The following IKZF1 variants were observed in gnomAD, a reference collection of about 807,000 sequenced individuals.
IKZF1 encodes IKAROS family zinc finger 1.
IKZF1 carries 10 observed loss-of-function variants against 51.7 expected under a neutral mutation model. That is an observed-to-expected ratio of 0.19 (90% CI 0.12 to 0.33). IKZF1 has a LOEUF of 0.33. Ranked by LOEUF, IKZF1 falls within the 10% of genes least tolerant of loss-of-function variation. IKZF1 has a pLI of 1.00. For missense variants in IKZF1, 484 were observed against 707.5 expected (o/e 0.68, Z 3.58); for synonymous variants, 280 against 282.3 (o/e 0.99, Z 0.08).
At chr7:50,323,690 T>A (rs1046597043) in intron 2 of IKZF1, among the ~76,000 whole-genome samples, 2 of 152,242 alleles carry the variant, frequency 1.3e-5, no homozygotes, top group African/African-American at 4.8e-5. Context: ...AAACACTTGA[T>A]GTCTTGCTGT....
intron 7 of IKZF1, among the ~76,000 whole-genome samples, chr7:50,393,364 G>A (rs950063004): frequency 1.3e-5 from 2 of 152,142 alleles, no homozygotes; most frequent in African/African-American, 4.8e-5. Flanking sequence ...TGGGAGAGAG[G>A]TGGGGCCAGA....
chr7:50,325,402 G>A (rs772987088), intron 2 of IKZF1, among the ~76,000 whole-genome samples: 9 of 151,812 alleles, frequency 5.9e-5, no homozygotes, highest in Non-Finnish European at 1.0e-4. Context: ...TACCTCCTGC[G>A]TTCTCCTATT....
At chr7:50,328,020 C>CT in intron 3 of IKZF1, 1 of 428,748 alleles carries the variant, frequency 2.3e-6, no homozygotes, top group Non-Finnish European at 4.2e-6. Context: ...GGACGCGTCT[C>CT]TGTCACTGTC....
intron 3 of IKZF1, among the ~76,000 whole-genome samples, chr7:50,335,915 T>C (rs1797662880): frequency 6.6e-6 from 1 of 151,996 alleles, no homozygotes; most frequent in Non-Finnish European, 1.5e-5. Flanking sequence ...GTTCCTTCAT[T>C]GTGAGGTGAG....
chr7:50,395,352 C>T (rs1816416176), intron 7 of IKZF1, among the ~76,000 whole-genome samples: 1 of 152,080 alleles, frequency 6.6e-6, no homozygotes, highest in Non-Finnish European at 1.5e-5. Flanking sequence ...AGAGAAGCGG[C>T]TTATTTTAAA....
chr7:50,357,924 C>A (rs1477019691), intron 3 of IKZF1, among the ~76,000 whole-genome samples: 1 of 152,112 alleles, frequency 6.6e-6, no homozygotes, highest in East Asian at 1.9e-4. Flanking sequence ...GTCGGAGTTT[C>A]TCTCATTTGT....
At position 50,402,371 on chromosome 7, in the gene IKZF1, C is replaced by T. The variant is rs568865338; in HGVS notation, c.*1744C>T. On this transcript the variant is annotated 3_prime_UTR_variant, in exon 8 of 8. Coordinates refer to ENST00000331340, the MANE Select transcript of IKZF1 (RefSeq NM_006060.6). ...ACTTATTTGTTAGGCGGGAGCTCTCCTGTGCATTGTAGGATAATTAGCAGT... is the reference window on the plus strand; with the variant it reads ...ACTTATTTGTTAGGCGGGAGCTCTCTTGTGCATTGTAGGATAATTAGCAGT... The T allele has an allele frequency of 1.3e-5, 3 of 230,390 alleles. No homozygotes were observed. The highest frequency in any genetic ancestry group is 4.4e-5 in the African/African-American group (2 of 45,264). The allele number at this position is 230,390 out of a possible 1,614,324, so 14.3% of individuals were successfully genotyped here. A position where few individuals can be genotyped will look rare whatever the true frequency, so the allele number is the denominator to read the frequency against.
intron 3 of IKZF1, among the ~76,000 whole-genome samples, chr7:50,373,791 C>G (rs1809425743): frequency 6.6e-6 from 1 of 152,214 alleles, no homozygotes; most frequent in Non-Finnish European, 1.5e-5. Context: ...TGCACAGCCT[C>G]TACCTGAGAG....
chr7:50,354,555 A>C (rs942796177), intron 3 of IKZF1, among the ~76,000 whole-genome samples: 3 of 152,242 alleles, frequency 2.0e-5, no homozygotes, highest in African/African-American at 7.2e-5. Context: ...ACAGGGCAGC[A>C]GTCTTTGTAC....
intron 3 of IKZF1, among the ~76,000 whole-genome samples, chr7:50,346,801 G>C: frequency 6.6e-6 from 1 of 152,350 alleles, no homozygotes; most frequent in East Asian, 1.9e-4. Flanking sequence ...GTCTGAGAAA[G>C]CATGGCATAT....
At chr7:50,393,211 G>A (rs540764491) in intron 7 of IKZF1, among the ~76,000 whole-genome samples, 5 of 152,260 alleles carry the variant, frequency 3.3e-5, no homozygotes, top group Admixed American at 2.6e-4. Context: ...TTAGGTGAGG[G>A]AAACCATGAG....
chr7:50,327,138 T>C (rs1795229354), intron 2 of IKZF1, among the ~76,000 whole-genome samples: 1 of 152,228 alleles, frequency 6.6e-6, no homozygotes, highest in African/African-American at 2.4e-5. Flanking sequence ...ATTAGGAATA[T>C]GTGCAAAGAT....
chr7:50,353,043 C>G (rs775951578), intron 3 of IKZF1, among the ~76,000 whole-genome samples: 7 of 152,210 alleles, frequency 4.6e-5, no homozygotes, highest in Non-Finnish European at 1.0e-4. Flanking sequence ...CCTGCTTACC[C>G]TTGCTTAGAT....
intron 3 of IKZF1, among the ~76,000 whole-genome samples, chr7:50,339,982 G>T (rs1449416751): frequency 6.6e-6 from 1 of 152,154 alleles, no homozygotes; most frequent in Non-Finnish European, 1.5e-5. Flanking sequence ...CTTCTGCAAA[G>T]AAATTTCTGT....
At chr7:50,375,291 G>T (rs1181610027) in intron 3 of IKZF1, among the ~76,000 whole-genome samples, 1 of 152,152 alleles carries the variant, frequency 6.6e-6, no homozygotes, top group Non-Finnish European at 1.5e-5. Context: ...GGATGTGGTG[G>T]TGCACACCTG....
At chr7:50,388,848 T>A (rs2153492047) in intron 6 of IKZF1, among the ~76,000 whole-genome samples, 1 of 152,344 alleles carries the variant, frequency 6.6e-6, no homozygotes, top group African/African-American at 2.4e-5. Flanking sequence ...AAGGAAGTGC[T>A]CCTAATGATG....
chr7:50,402,047 G>T lies in IKZF1; in HGVS notation c.*1420G>T, dbSNP rs1818218832. ...AGGAGGCAAATGGCACTGCAGGTGA[G>T]AACCCCGCCCATCCGTGCTATGACA... On this transcript the variant is annotated 3_prime_UTR_variant, in exon 8 of 8. Coordinates refer to ENST00000331340, the MANE Select transcript of IKZF1 (RefSeq NM_006060.6). 1 of 230,218 alleles carries T rather than the reference G, an allele frequency of 4.3e-6. No homozygotes were observed. Among genetic ancestry groups the T allele is most frequent in the Admixed American group, 5.7e-5 (1 of 17,682 alleles). 14.3% of individuals were successfully genotyped at this position (230,218 alleles called of 1,614,324 possible).
At chr7:50,343,649 A>T (rs922162613) in intron 3 of IKZF1, among the ~76,000 whole-genome samples, 4 of 152,248 alleles carry the variant, frequency 2.6e-5, no homozygotes, top group African/African-American at 9.6e-5. Context: ...TACTGTCTCT[A>T]GCTATGGTCA....
chr7:50,371,232 C>T (rs1352792613), intron 3 of IKZF1, among the ~76,000 whole-genome samples: 1 of 152,200 alleles, frequency 6.6e-6, no homozygotes, highest in East Asian at 1.9e-4. Context: ...ATGGAGCTGC[C>T]AGGAGGTGCT....
Sources: gnomAD v4.1 joint callset for allele counts (sites outside exome capture counted in the v4.1 genomes callset) on GRCh38, gnomAD v4.1.1 for gene constraint, MANE v1.5 for transcripts, NCBI Gene and HGNC (gene_info 2026-07-23, HGNC 2026-07-21) for gene names.